GMDS: variants seen among roughly 807,000 people sequenced by gnomAD.
GMDS encodes GDP-mannose 4,6 dehydratase.
A neutral mutation model predicts 49.9 loss-of-function variants in GMDS; 20 were observed. That is an observed-to-expected ratio of 0.40 (90% CI 0.28 to 0.58). The LOEUF (loss-of-function observed/expected upper bound fraction) is 0.58, where lower values mean the gene tolerates loss of function less well. Among genes scored for constraint, GMDS ranks in the 20% least tolerant of loss-of-function variants. The pLI is 0.42. For missense variants in GMDS, 362 were observed against 481.4 expected (o/e 0.75, Z 2.32); for synonymous variants, 177 against 178.6 (o/e 0.99, Z 0.07).
chr6:1,665,336 TGG>T (rs1335457242), intron 9 of GMDS, among the ~76,000 whole-genome samples: 1 of 152,196 alleles, frequency 6.6e-6, no homozygotes, highest in African/African-American at 2.4e-5. Context: ...AAGGAGGTAA[TGG>T]GCCAGCCTAA....
At chr6:2,080,151 T>C (rs1772594820) in intron 4 of GMDS, among the ~76,000 whole-genome samples, 1 of 152,192 alleles carries the variant, frequency 6.6e-6, no homozygotes. Context: ...AGTTTCAGGA[T>C]TTCTGTATGG....
intron 1 of GMDS, among the ~76,000 whole-genome samples, chr6:2,202,657 T>C (rs967486262): frequency 6.6e-6 from 1 of 152,100 alleles, no homozygotes; most frequent in African/African-American, 2.4e-5. Flanking sequence ...TCGTGGCCTA[T>C]GTCCTGGCAA....
At position 1,948,640 on chromosome 6, in the gene GMDS, C is replaced by T. The variant is rs58544533; in HGVS notation, c.643+11227G>A. On this transcript the variant is annotated intron_variant, in intron 6 of 10. Transcript: ENST00000380815. ...GCTGTACTCCAGCCTGAGCACTGTA[C>T]AACACAGTGAGGCTGTGTCTCTATT... Among the ~76,000 whole-genome samples, 215 of 152,110 alleles carry T rather than the reference C, an allele frequency of 1.4e-3. 1 individual carries two copies. Among genetic ancestry groups the T allele is most frequent in the African/African-American group, 5.1e-3 (211 of 41,484 alleles).
intron 6 of GMDS, among the ~76,000 whole-genome samples, chr6:1,959,352 A>C (rs988393858): frequency 1.3e-5 from 2 of 152,342 alleles, no homozygotes; most frequent in East Asian, 3.9e-4. Flanking sequence ...TCAATTTTTT[A>C]AAATCTTGTT....
chr6:1,781,037 T>C (rs1301714984), intron 7 of GMDS, among the ~76,000 whole-genome samples: 1 of 152,066 alleles, frequency 6.6e-6, no homozygotes, highest in Non-Finnish European at 1.5e-5. Flanking sequence ...CCAATCTGTG[T>C]TGTAAAAGCA....
chr6:1,624,642 C>T, intron 9 of GMDS, 102 bp from the exon 10 acceptor site: 1 of 779,042 alleles, frequency 1.3e-6, no homozygotes, highest in Non-Finnish European at 2.2e-6. Flanking sequence ...CCTCTGGGCG[C>T]ACAAGGCTCC....
Position 1,766,893 on chromosome 6 carries a change from A to G in GMDS, c.772-24307T>C, listed in dbSNP as rs956052542. 6.6e-6 allele frequency among the ~76,000 whole-genome samples: 1 copy of G among 152,234 alleles called. No homozygotes were observed. Among genetic ancestry groups the G allele is most frequent in the Non-Finnish European group, 1.5e-5 (1 of 68,042 alleles). On this transcript the variant is annotated intron_variant, in intron 7 of 10. Transcript: ENST00000380815. This position sits in a 1 kb window ranked among gnomAD's most constrained non-coding sequence, Gnocchi z 4.5. ...GTCAGCTAGGTCTCCCAGCTCAGCAATCTGGCTTAAAGGAGCACCGGGTAA... is the reference window on the plus strand; with the variant it reads ...GTCAGCTAGGTCTCCCAGCTCAGCAGTCTGGCTTAAAGGAGCACCGGGTAA...
intron 1 of GMDS, among the ~76,000 whole-genome samples, chr6:2,135,595 ACATCATCAT>A (rs61342699): frequency 6.7e-6 from 1 of 149,422 alleles, no homozygotes; most frequent in Non-Finnish European, 1.5e-5. Context: ...CACATCTACC[ACATCATCAT>A]CATCATCATC....
intron 4 of GMDS, among the ~76,000 whole-genome samples, chr6:2,017,419 C>T (rs561666470): frequency 6.6e-6 from 1 of 152,238 alleles, no homozygotes; most frequent in African/African-American, 2.4e-5. Context: ...AGCAATTCTC[C>T]TGCCTCAGCC....
At chr6:1,813,223 TAAAAA>T (rs56705761) in intron 7 of GMDS, among the ~76,000 whole-genome samples, 1 of 85,296 alleles carries the variant, frequency 1.2e-5, no homozygotes, top group Non-Finnish European at 2.1e-5. Flanking sequence ...CTCTGTCTCT[TAAAAA>T]AAAAAAAAAA....
intron 4 of GMDS, among the ~76,000 whole-genome samples, chr6:2,002,921 C>T (rs1219498807): frequency 6.6e-6 from 1 of 152,012 alleles, no homozygotes; most frequent in Admixed American, 6.6e-5. Flanking sequence ...TGGAAAAGTT[C>T]TTGTGGACAG....
intron 7 of GMDS, among the ~76,000 whole-genome samples, chr6:1,831,622 G>T (rs1756648392): frequency 1.3e-5 from 2 of 152,178 alleles, no homozygotes; most frequent in Non-Finnish European, 1.5e-5. Flanking sequence ...CCAGCTTTCT[G>T]AGGATTCATC....
At chr6:1,970,680 C>T (rs1764551330) in intron 4 of GMDS, among the ~76,000 whole-genome samples, 1 of 151,976 alleles carries the variant, frequency 6.6e-6, no homozygotes, top group South Asian at 2.1e-4. Flanking sequence ...AGAAAGGCAT[C>T]CTGAGATGGT....
chr6:1,716,289 G>A (rs1349195550), intron 9 of GMDS, among the ~76,000 whole-genome samples: 3 of 152,116 alleles, frequency 2.0e-5, no homozygotes, highest in Non-Finnish European at 4.4e-5. Flanking sequence ...GAAACAGCTG[G>A]GAACTGTTTA....
chr6:1,677,762 C>CA (rs1175648598), intron 9 of GMDS, among the ~76,000 whole-genome samples: 6 of 133,718 alleles, frequency 4.5e-5, no homozygotes, highest in Non-Finnish European at 9.1e-5. Flanking sequence ...CACTTGGACA[C>CA]AGGGTGCGGA....
At position 1,640,935 on chromosome 6, in the gene GMDS, G is replaced by A. The variant is rs1031492386; in HGVS notation, c.988-16395C>T. Among the ~76,000 whole-genome samples the A allele has an allele frequency of 2.6e-5, 4 of 152,312 alleles. No individual in the cohort carries two copies. The East Asian group carries it at 5.8e-4, about 22-fold the overall frequency. On this transcript the variant is annotated intron_variant, in intron 9 of 10. Coordinates refer to ENST00000380815, the MANE Select transcript of GMDS (RefSeq NM_001500.4). This position sits in a 1 kb window ranked among gnomAD's most constrained non-coding sequence, Gnocchi z 4.0. ...GGCTGGGCTAGGGCCCTGAAGGGCCGGCTGGTTAGAAACCCTGAAGTCCAG... is the reference window on the plus strand; with the variant it reads ...GGCTGGGCTAGGGCCCTGAAGGGCCAGCTGGTTAGAAACCCTGAAGTCCAG...
At chr6:1,743,416 G>C (rs5017132) in intron 7 of GMDS, among the ~76,000 whole-genome samples, 1 of 148,556 alleles carries the variant, frequency 6.7e-6, no homozygotes, top group Non-Finnish European at 1.5e-5. Flanking sequence ...GGTGGGGGGC[G>C]CCTGTAGTCC....
intron 1 of GMDS, among the ~76,000 whole-genome samples, chr6:2,178,291 T>C (rs1778373288): frequency 6.6e-6 from 1 of 152,160 alleles, no homozygotes; most frequent in Non-Finnish European, 1.5e-5. Context: ...ACAGGAAGCA[T>C]GATGCTGGCA....
At chr6:1,692,372 ATTAG>A (rs1017341719) in intron 9 of GMDS, among the ~76,000 whole-genome samples, 128 of 152,286 alleles carry the variant, frequency 8.4e-4, no homozygotes, top group African/African-American at 2.9e-3. Flanking sequence ...CATCTATCCT[ATTAG>A]TTCTGTCCCT....
Sources: gnomAD v4.1 joint callset for allele counts (sites outside exome capture counted in the v4.1 genomes callset) on GRCh38, gnomAD v4.1.1 for gene constraint, Gnocchi (gnomAD v3.1) non-coding constraint, MANE v1.5 for transcripts, NCBI Gene and HGNC (gene_info 2026-07-23, HGNC 2026-07-21) for gene names.